Variants in ITIH5 observed in about 807,000 individuals in gnomAD.
ITIH5 encodes inter-alpha-trypsin inhibitor heavy chain H5.
ITIH5 carries 65 observed loss-of-function variants against 77.5 expected under a neutral mutation model. The ratio of observed to expected loss-of-function variants is 0.84; its 90% CI spans 0.69 to 1.03. The LOEUF (loss-of-function observed/expected upper bound fraction) is 1.03, where lower values mean the gene tolerates loss of function less well. ITIH5 is among the 50% of genes least tolerant of loss of function. The pLI is 0.00. For missense variants in ITIH5, 1,208 were observed against 1,213.1 expected, an observed-to-expected ratio of 1.00 and a Z score of 0.06; for synonymous variants, 525 against 494.3, an observed-to-expected ratio of 1.06 and a Z score of -0.82.
At chr10:7,563,468 GA>G in intron 13 of ITIH5, 84 bp from the exon 14 acceptor site, 2 of 1,284,772 alleles carry the variant, frequency 1.6e-6, no homozygotes, top group Non-Finnish European at 2.2e-6. Context: ...ATCAGTGGCA[GA>G]AAGGCTTACA....
chr10:7,619,670 A>G (rs1833439859), intron 5 of ITIH5: 1 of 282,470 alleles, frequency 3.5e-6, no homozygotes, highest in Non-Finnish European at 7.7e-6. Context: ...GGCAGGAGCG[A>G]GAGACAGAAC....
chr10:7,587,705 G>A (rs1056016797), intron 7 of ITIH5, among the ~76,000 whole-genome samples: 1 of 152,242 alleles, frequency 6.6e-6, no homozygotes, highest in Non-Finnish European at 1.5e-5. Flanking sequence ...TTCTAGATGG[G>A]TTTGCTGTTA....
At chr10:7,661,850 G>A (rs1834281671) in intron 1 of ITIH5, among the ~76,000 whole-genome samples, 1 of 151,898 alleles carries the variant, frequency 6.6e-6, no homozygotes, top group Non-Finnish European at 1.5e-5. Flanking sequence ...ACAGGTGCAT[G>A]CCACCATGCC....
chr10:7,563,018 G>A lies in ITIH5; in HGVS notation c.*65C>T. 1 of 1,425,226 alleles carries A rather than the reference G, an allele frequency of 7.0e-7. No individual in the cohort carries two copies. Among genetic ancestry groups the A allele is most frequent in the South Asian group, 1.2e-5 (1 of 86,506 alleles). The allele number at this position is 1,425,226 out of a possible 1,614,324, so 88.3% of individuals were successfully genotyped here. A position where few individuals can be genotyped will look rare whatever the true frequency, so the allele number is the denominator to read the frequency against. ...CTGAGGCGTGTACAAGCCATGAAAA[G>A]AGCTGCCCCACGGCCTCCCCACATC... On this transcript the variant is annotated 3_prime_UTR_variant, in exon 14 of 14. Coordinates refer to ENST00000397146, the MANE Select transcript of ITIH5 (RefSeq NM_030569.7).
intron 5 of ITIH5, among the ~76,000 whole-genome samples, chr10:7,636,057 C>T (rs1035923249): frequency 6.6e-6 from 1 of 152,108 alleles, no homozygotes; most frequent in Admixed American, 6.6e-5. Context: ...ACCAGCCTTA[C>T]TGGTATATTA....
At chr10:7,649,250 CCTTT>C (rs1834054525) in intron 2 of ITIH5, among the ~76,000 whole-genome samples, 1 of 151,836 alleles carries the variant, frequency 6.6e-6, no homozygotes, top group Non-Finnish European at 1.5e-5. Context: ...TCTTCTTCCT[CCTTT>C]CTTCTTTCTT....
chr10:7,622,889 T>C (rs1833496770), intron 5 of ITIH5, among the ~76,000 whole-genome samples: 2 of 152,234 alleles, frequency 1.3e-5, no homozygotes, highest in African/African-American at 2.4e-5. Context: ...GAACCATGTT[T>C]ATAAGTGCCA....
chr10:7,569,628 T>C, intron 12 of ITIH5, 40 bp downstream of exon 12: 1 of 1,354,528 alleles, frequency 7.4e-7, no homozygotes, highest in South Asian at 1.3e-5. Context: ...AGTACCTACC[T>C]GGTCCTTGCC....
intron 5 of ITIH5, among the ~76,000 whole-genome samples, chr10:7,626,786 A>G (rs2131053769): frequency 6.6e-6 from 1 of 152,334 alleles, no homozygotes; most frequent in South Asian, 2.1e-4. Flanking sequence ...CTTATATCTC[A>G]TCTGGCAACC....
At chr10:7,591,766 G>A (rs981335304) in intron 7 of ITIH5, among the ~76,000 whole-genome samples, 2 of 152,104 alleles carry the variant, frequency 1.3e-5, no homozygotes, top group East Asian at 1.9e-4. Context: ...CTCCTTTCAC[G>A]TTGATATACA....
chr10:7,665,998 A>G (rs935523179), intron 1 of ITIH5, among the ~76,000 whole-genome samples: 41 of 152,198 alleles, frequency 2.7e-4, no homozygotes, highest in African/African-American at 9.6e-4. Flanking sequence ...GCCTACTTGT[A>G]TCTTCCTCCC....
At chr10:7,640,733 C>T in intron 4 of ITIH5, 21 bp downstream of exon 4, 1 of 1,527,888 alleles carries the variant, frequency 6.5e-7, no homozygotes, top group Middle Eastern at 1.7e-4. Context: ...GTTTTTAATT[C>T]CTTAATTAAC....
chr10:7,595,275 T>A (rs1489934605), intron 7 of ITIH5, among the ~76,000 whole-genome samples: 1 of 152,056 alleles, frequency 6.6e-6, no homozygotes, highest in African/African-American at 2.4e-5. Flanking sequence ...AAATACCAGA[T>A]TATGTTTGGA....
chr10:7,615,106 G>C (rs1833338225), intron 7 of ITIH5, among the ~76,000 whole-genome samples: 1 of 152,118 alleles, frequency 6.6e-6, no homozygotes, highest in Non-Finnish European at 1.5e-5. Context: ...AATTAGCCAG[G>C]TGTGGTGGAG....
chr10:7,564,767 T>G (rs551701053), intron 13 of ITIH5, among the ~76,000 whole-genome samples: 1 of 151,750 alleles, frequency 6.6e-6, no homozygotes, highest in Admixed American at 6.6e-5. Flanking sequence ...ATACACAGAC[T>G]GTGTATGTGT....
At chr10:7,628,839 G>C (rs1588412427) in intron 5 of ITIH5, among the ~76,000 whole-genome samples, 1 of 146,128 alleles carries the variant, frequency 6.8e-6, no homozygotes. Flanking sequence ...GTGTGTCCCT[G>C]TTGTAGCGTG....
intron 13 of ITIH5, among the ~76,000 whole-genome samples, chr10:7,564,683 G>A (rs927723657): frequency 6.6e-6 from 1 of 151,904 alleles, no homozygotes; most frequent in African/African-American, 2.4e-5. Flanking sequence ...ACGACCATTA[G>A]AATGTATCCC....
chr10:7,593,951 G>T (rs549633971), intron 7 of ITIH5, among the ~76,000 whole-genome samples: 1 of 152,256 alleles, frequency 6.6e-6, no homozygotes, highest in Non-Finnish European at 1.5e-5. Context: ...TGCCTCCTGT[G>T]GGAGGCTTAA....
At chr10:7,572,932 CA>C in intron 11 of ITIH5, 1 of 495,244 alleles carries the variant, frequency 2.0e-6, no homozygotes, top group East Asian at 3.6e-5. Context: ...CCCCTGCCAC[CA>C]TGCCTGGCTA....
Sources: allele counts gnomAD v4.1 joint callset (sites outside exome capture counted in the v4.1 genomes callset), GRCh38; gene constraint gnomAD v4.1.1; transcripts MANE v1.5; gene names NCBI Gene and HGNC (gene_info 2026-07-23, HGNC 2026-07-21).